Variants in STAC3 observed in about 807,000 individuals in gnomAD.
STAC3 encodes the protein SH3 and cysteine-rich domain-containing protein 3.
STAC3 carries 30 observed loss-of-function variants against 48.5 expected under a neutral mutation model. The observed-to-expected ratio is 0.62, with a 90% confidence interval of 0.46 to 0.84. The LOEUF (loss-of-function observed/expected upper bound fraction) is 0.84, where lower values mean the gene tolerates loss of function less well. Ranked by LOEUF, STAC3 falls within the 40% of genes least tolerant of loss-of-function variation. The pLI is 0.00. For missense variants in STAC3, 419 were observed against 462.6 expected (o/e 0.91, Z 0.86); for synonymous variants, 144 against 158.6 (o/e 0.91, Z 0.69).
At chr12:57,249,804 G>T in intron 1 of STAC3, 167 bp from the exon 2 acceptor site, 1 of 674,858 alleles carries the variant, frequency 1.5e-6, no homozygotes, top group Non-Finnish European at 2.5e-6. Flanking sequence ...CACCCAGGCT[G>T]GAGTGCAGTG....
At chr12:57,248,084 C>G (rs745313174) in intron 5 of STAC3, 42 bp downstream of exon 5, 1 of 1,557,574 alleles carries the variant, frequency 6.4e-7, no homozygotes, top group Non-Finnish European at 8.9e-7. Flanking sequence ...GAAACCATCT[C>G]TAGGCTTGCC....
chr12:57,250,830 C>A (rs1424739599), intron 1 of STAC3, among the ~76,000 whole-genome samples, 163 bp downstream of exon 1: 1 of 149,668 alleles, frequency 6.7e-6, no homozygotes, highest in Non-Finnish European at 1.5e-5. Flanking sequence ...CACCCCCACC[C>A]CCCGCTTCAA....
intron 1 of STAC3, 107 bp from the exon 2 acceptor site, chr12:57,249,744 G>T: frequency 8.2e-7 from 1 of 1,212,156 alleles, no homozygotes; most frequent in Non-Finnish European, 1.2e-6. Context: ...TCGGAGAAAT[G>T]TGATGAGAGA....
chr12:57,243,679 C>T lies in STAC3; in HGVS notation c.*133G>A. The T allele has an allele frequency of 1.2e-6, 1 of 837,056 alleles. No homozygotes were observed. Among genetic ancestry groups the T allele is most frequent in the Non-Finnish European group, 2.0e-6 (1 of 498,828 alleles). The allele number at this position is 837,056 out of a possible 1,614,324, so 51.9% of individuals were successfully genotyped here. Reference sequence around the variant, plus strand: ...CGAGAACCAGTCCCTTCCCGGAAGCCCCGTCGCGCTCAGGCGGGCCTTCCT... The same window carrying T: ...CGAGAACCAGTCCCTTCCCGGAAGCTCCGTCGCGCTCAGGCGGGCCTTCCT... On this transcript the variant is annotated 3_prime_UTR_variant, in exon 12 of 12. Coordinates refer to ENST00000332782, the MANE Select transcript of STAC3 (RefSeq NM_145064.3).
chr12:57,244,938 T>C lies in STAC3; in HGVS notation c.698A>G (p.Glu233Gly). Reference protein sequence around the residue: ...DGNPEGDKKAEKKTPDDKHKQ... With the variant: ...DGNPEGDKKAGKKTPDDKHKQ... ...TACCTTGTCATCAGGTGTCTTCTTC[T>C]CAGCCTTCTTATCCCCTTCAGGGTT... Residue 233 changes from glutamate (E) to glycine (G), a missense_variant, in exon 8 of 12, where the codon GAG becomes GGG. Physicochemically the swap from Glu to Gly is moderately conservative, Grantham distance 98. Transcript: ENST00000332782. 6.2e-7 allele frequency: 1 copy of C among 1,614,208 alleles called. No individual in the cohort carries two copies. Among genetic ancestry groups the C allele is most frequent in the Non-Finnish European group, 8.5e-7 (1 of 1,180,042 alleles).
intron 4 of STAC3, 198 bp from the exon 5 acceptor site, chr12:57,248,396 T>TG: frequency 3.6e-6 from 2 of 556,098 alleles, no homozygotes; most frequent in Non-Finnish European, 6.4e-6. Context: ...TTTTTTTTTT[T>TG]GAGACGGAGT....
rs2037837828 is a variant in STAC3 at position 57,249,156 on chromosome 12, C to CTCCTCTTCTTCCTCT, written c.204_218dup (p.Glu72_Glu76dup). On this transcript the variant is annotated inframe_insertion, in exon 3 of 12. Coordinates refer to ENST00000332782, the MANE Select transcript of STAC3 (RefSeq NM_145064.3). The stretch of plus-strand genomic sequence containing the variant: ...GAGGTTCTGGGGGTGGCTCCTCCTC[C>CTCCTCTTCTTCCTCT]TCCTCTTCTTCCTCTTCCTCTTCCT... 6.2e-7 allele frequency: 1 copy of CTCCTCTTCTTCCTCT among 1,613,998 alleles called. No individual in the cohort carries two copies. Among genetic ancestry groups the CTCCTCTTCTTCCTCT allele is most frequent in the Middle Eastern group, 1.6e-4 (1 of 6,062 alleles).
In STAC3 at chr12:57,251,138, C is replaced by T. The variant is rs1240507187; in HGVS notation, c.-147G>A. On this transcript the variant is annotated 5_prime_UTR_variant, in exon 1 of 12. Coordinates refer to ENST00000332782, the MANE Select transcript of STAC3 (RefSeq NM_145064.3). ...CCTGTGTTCACACCAGCTACCCAGT[C>T]GCTATTTGTAGACCTCCTAGCCTCC... The T allele has an allele frequency of 4.4e-6, 2 of 454,574 alleles. No individual in the cohort carries two copies. The highest frequency in any genetic ancestry group is 7.0e-5 in the East Asian group (1 of 14,372). 28.2% of individuals were successfully genotyped at this position (454,574 alleles called of 1,614,324 possible). A position where few individuals can be genotyped will look rare whatever the true frequency, so the allele number is the denominator to read the frequency against.
intron 5 of STAC3, among the ~76,000 whole-genome samples, chr12:57,247,658 C>T (rs931795639): frequency 5.3e-5 from 8 of 151,762 alleles, no homozygotes; most frequent in Non-Finnish European, 7.4e-5. Flanking sequence ...CTCCTGACCT[C>T]GTGATCCACC....
Position 57,244,087 on chromosome 12 carries a change from C to T in STAC3, c.996+1G>A, listed in dbSNP as rs112907880. On this transcript the variant is annotated splice_donor_variant, in intron 11 of 11. Transcript: ENST00000332782. LOFTEE classifies it high-confidence loss of function. Reference sequence around the variant, plus strand: ...GGGATTGGGTTGGGGCAACAGCCTACCTGGTCCTTCTTGAGAGTGATCTGC... The same window carrying T: ...GGGATTGGGTTGGGGCAACAGCCTATCTGGTCCTTCTTGAGAGTGATCTGC... 2 of 1,614,086 alleles carry T rather than the reference C, an allele frequency of 1.2e-6. No individual in the cohort carries two copies. The highest frequency in any genetic ancestry group is 1.7e-5 in the Admixed American group (1 of 60,014).
At chr12:57,250,267 G>A (rs1592249815) in intron 1 of STAC3, among the ~76,000 whole-genome samples, 1 of 152,050 alleles carries the variant, frequency 6.6e-6, no homozygotes, top group East Asian at 1.9e-4. Context: ...GCGGACGCCT[G>A]TAATCCCATC....
chr12:57,245,064 G>GCCA, intron 7 of STAC3, 81 bp downstream of exon 7: 3 of 1,601,124 alleles, frequency 1.9e-6, no homozygotes, highest in Non-Finnish European at 2.6e-6. Flanking sequence ...AAGCTGGCCT[G>GCCA]CCCTTTGCTC....
chr12:57,249,717 C>T (rs988186031), intron 1 of STAC3, 80 bp from the exon 2 acceptor site: 1 of 1,488,888 alleles, frequency 6.7e-7, no homozygotes, highest in Admixed American at 1.7e-5. Flanking sequence ...GTAGGGTGGT[C>T]CTCAAAGGGG....
At position 57,249,246 on chromosome 12, in the gene STAC3, G is replaced by C. The variant is rs1398254145; in HGVS notation, c.129C>G (p.Pro43=). Residue 43 remains proline (P), a synonymous_variant, in exon 3 of 12, where the codon CCC becomes CCG. Transcript: ENST00000332782. ...CCTCCCCATTGGCCTGGGGCTCTGG[G>C]GGAAGTTCCATCTCCTTTGTCCCTG... ...GSTGTKEMEL[P]PEPQANGEAV... is the part of the protein sequence containing the mutation. The C allele has an allele frequency of 1.9e-5, 31 of 1,613,802 alleles. No individual in the cohort carries two copies. Among genetic ancestry groups the C allele is most frequent in the Non-Finnish European group, 2.5e-5 (30 of 1,179,936 alleles).
chr12:57,246,025 C>T (rs1253888539), intron 6 of STAC3, among the ~76,000 whole-genome samples: 7 of 148,552 alleles, frequency 4.7e-5, no homozygotes, highest in African/African-American at 1.7e-4. Flanking sequence ...AGGATAATCG[C>T]TTGGACCCGG....
At chr12:57,244,391 A>G in intron 9 of STAC3, 25 bp from the exon 10 acceptor site, 1 of 1,613,894 alleles carries the variant, frequency 6.2e-7, no homozygotes, top group African/African-American at 1.3e-5. Context: ...GAGGGGCCTC[A>G]CTCACATAGC....
intron 9 of STAC3, 47 bp from the exon 10 acceptor site, chr12:57,244,413 T>C (rs2037682733): frequency 6.2e-7 from 1 of 1,613,734 alleles, no homozygotes; most frequent in African/African-American, 1.3e-5. Flanking sequence ...GGTCCCCTGC[T>C]GTGCCCCGGG....
intron 1 of STAC3, 159 bp from the exon 2 acceptor site, chr12:57,249,796 C>T: frequency 1.3e-6 from 1 of 742,726 alleles, no homozygotes. Flanking sequence ...CACTCTGTCA[C>T]CCAGGCTGGA....
intron 5 of STAC3, among the ~76,000 whole-genome samples, chr12:57,247,185 C>T (rs1348592680): frequency 6.6e-6 from 1 of 152,086 alleles, no homozygotes; most frequent in Non-Finnish European, 1.5e-5. Context: ...CACAACTTTG[C>T]TTGCTTGGGA....
Sources: gnomAD v4.1 joint callset for allele counts (sites outside exome capture counted in the v4.1 genomes callset) on GRCh38, gnomAD v4.1.1 for gene constraint, MANE v1.5 for transcripts, NCBI Gene and HGNC (gene_info 2026-07-23, HGNC 2026-07-21) for gene names.